The following MAGI1 variants were observed in gnomAD, a reference collection of about 807,000 sequenced individuals.
MAGI1 encodes membrane associated guanylate kinase, WW and PDZ domain containing 1, also known as membrane-associated guanylate kinase, WW and PDZ domain-containing protein 1.
Under a neutral mutation model 139.9 loss-of-function variants are expected in MAGI1, and 58 were observed. The ratio of observed to expected loss-of-function variants is 0.41; its 90% CI spans 0.34 to 0.52. The LOEUF (loss-of-function observed/expected upper bound fraction) is 0.52. Among genes scored for constraint, MAGI1 ranks in the 20% least tolerant of loss-of-function variants. The probability of loss-of-function intolerance (pLI) is 0.12; values close to 1 mark genes in which losing one functional copy is unlikely to be tolerated. For missense variants in MAGI1, 1,874 were observed against 1,901.6 expected (o/e 0.99, Z 0.27); for synonymous variants, 812 against 737.9 (o/e 1.10, Z -1.63).
intron 12 of MAGI1, among the ~76,000 whole-genome samples, chr3:65,404,253 T>C (rs1337101509): frequency 3.9e-5 from 6 of 152,200 alleles, no homozygotes; most frequent in African/African-American, 1.4e-4. Context: ...ATTAATTAAT[T>C]AATGGCCCCT....
chr3:65,357,922 G>T (rs1310313613), intron 22 of MAGI1, among the ~76,000 whole-genome samples: 2 of 152,122 alleles, frequency 1.3e-5, no homozygotes, highest in Non-Finnish European at 2.9e-5. Flanking sequence ...TAAAAAATAA[G>T]GAACTGTTTT....
At chr3:65,930,018 T>TA (rs2062719920) in intron 1 of MAGI1, among the ~76,000 whole-genome samples, 1 of 152,056 alleles carries the variant, frequency 6.6e-6, no homozygotes, top group Non-Finnish European at 1.5e-5. Context: ...CAAATCACAT[T>TA]AAAAATTATA....
chr3:65,864,452 C>T (rs958624782), intron 1 of MAGI1, among the ~76,000 whole-genome samples: 27 of 152,200 alleles, frequency 1.8e-4, no homozygotes, highest in African/African-American at 6.3e-4. Flanking sequence ...GCTTTGCTCA[C>T]CAACTACAAA....
intron 1 of MAGI1, among the ~76,000 whole-genome samples, chr3:65,904,564 C>T (rs1002227490): frequency 1.3e-5 from 2 of 152,172 alleles, no homozygotes; most frequent in Admixed American, 6.5e-5. Flanking sequence ...ACACTCCAAG[C>T]TCTGCCCACT....
chr3:65,762,824 G>T (rs775411089), intron 1 of MAGI1, among the ~76,000 whole-genome samples: 9 of 152,164 alleles, frequency 5.9e-5, no homozygotes, highest in Non-Finnish European at 1.3e-4. Context: ...CACACAGCTA[G>T]TAAGTGGCTC....
intron 1 of MAGI1, among the ~76,000 whole-genome samples, chr3:65,970,458 G>A (rs548254732): frequency 6.6e-6 from 1 of 151,376 alleles, no homozygotes; most frequent in East Asian, 1.9e-4. Context: ...TAATGCCACA[G>A]AAGTGTACAT....
chr3:65,873,620 T>G (rs1172428183), intron 1 of MAGI1: 2 of 152,156 alleles, frequency 1.3e-5, no homozygotes, highest in African/African-American at 4.8e-5. Flanking sequence ...ATTATTACAC[T>G]TTGTGGGAGA....
At chr3:65,361,659 C>T (rs1016611007) in intron 21 of MAGI1, among the ~76,000 whole-genome samples, 1 of 152,200 alleles carries the variant, frequency 6.6e-6, no homozygotes, top group Non-Finnish European at 1.5e-5. Context: ...TCTCCCCCTG[C>T]CTTTGAATGT....
At chr3:65,597,768 G>A (rs1163933509) in intron 2 of MAGI1, 2 of 456,756 alleles carry the variant, frequency 4.4e-6, no homozygotes, top group East Asian at 7.0e-5. Context: ...GTGGGCAGGG[G>A]GCGGTGGAGG....
In MAGI1 at chr3:65,427,531, G is replaced by A. The variant is rs147305257; in HGVS notation, c.2167+1989C>T. On this transcript the variant is annotated intron_variant, in intron 12 of 22. Transcript: ENST00000402939. The stretch of plus-strand genomic sequence containing the variant: ...GATAGATGAGTTAGGAGAACAAGGT[G>A]GTTTGTGTCTGTCAAATGAGCAGTG... Among the ~76,000 whole-genome samples the A allele has an allele frequency of 5.6e-3, 853 of 152,270 alleles. 6 individuals are homozygous for A. The highest frequency in any genetic ancestry group is 0.019 in the African/African-American group (802 of 41,538).
intron 1 of MAGI1, among the ~76,000 whole-genome samples, chr3:65,643,962 C>T (rs1201673894): frequency 6.6e-6 from 1 of 152,134 alleles, no homozygotes; most frequent in African/African-American, 2.4e-5. Flanking sequence ...CTCTTCTTCT[C>T]CCCACATCCC....
At chr3:65,622,699 G>A (rs1324075922) in intron 1 of MAGI1, among the ~76,000 whole-genome samples, 3 of 152,044 alleles carry the variant, frequency 2.0e-5, no homozygotes, top group East Asian at 3.9e-4. Context: ...GAGTAGCTGC[G>A]GTTACAGGCA....
At chr3:65,763,569 G>C (rs1247327384) in intron 1 of MAGI1, among the ~76,000 whole-genome samples, 1 of 151,802 alleles carries the variant, frequency 6.6e-6, no homozygotes, top group Admixed American at 6.6e-5. Context: ...AGAAAACTGA[G>C]GCATAAAGAA....
intron 1 of MAGI1, among the ~76,000 whole-genome samples, chr3:65,884,115 A>C (rs2060441519): frequency 6.6e-6 from 1 of 152,222 alleles, no homozygotes; most frequent in Non-Finnish European, 1.5e-5. Context: ...AGAAGAAACC[A>C]ACCACAGGTT....
At chr3:65,980,717 C>T (rs998411807) in intron 1 of MAGI1, among the ~76,000 whole-genome samples, 1 of 152,122 alleles carries the variant, frequency 6.6e-6, no homozygotes, top group African/African-American at 2.4e-5. Context: ...GTGGAAGAGG[C>T]CCTGGCCTGA....
chr3:65,751,677 T>A (rs766374524), intron 1 of MAGI1, among the ~76,000 whole-genome samples: 1 of 152,190 alleles, frequency 6.6e-6, no homozygotes, highest in Non-Finnish European at 1.5e-5. Flanking sequence ...GAGTCAAATG[T>A]GGGCAGTGTG....
chr3:65,917,163 A>G (rs264690), intron 1 of MAGI1, among the ~76,000 whole-genome samples: 115,499 of 152,116 alleles, frequency 0.76, 45,081 homozygotes, highest in East Asian at 0.99. Context: ...GAGGAGTTAC[A>G]TGGGGCTACA....
chr3:65,489,085 C>T (rs1951815859), intron 3 of MAGI1, among the ~76,000 whole-genome samples: 1 of 152,156 alleles, frequency 6.6e-6, no homozygotes, highest in African/African-American at 2.4e-5. Context: ...ACCATGTGAA[C>T]TAAGAAGAGA....
At chr3:65,705,961 T>C (rs1004429607) in intron 1 of MAGI1, among the ~76,000 whole-genome samples, 2 of 152,246 alleles carry the variant, frequency 1.3e-5, no homozygotes, top group Non-Finnish European at 2.9e-5. Context: ...AAATGTGGTA[T>C]CATACAAACC....
Sources: allele counts gnomAD v4.1 joint callset (sites outside exome capture counted in the v4.1 genomes callset), GRCh38; gene constraint gnomAD v4.1.1; transcripts MANE v1.5; gene names NCBI Gene and HGNC (gene_info 2026-07-23, HGNC 2026-07-21).